The following MTAP variants were observed in gnomAD, a reference collection of about 807,000 sequenced individuals.
MTAP encodes the protein S-methyl-5'-thioadenosine phosphorylase.
A neutral mutation model predicts 33.6 loss-of-function variants in MTAP; 33 were observed. That is an observed-to-expected ratio of 0.98 (90% CI 0.74 to 1.31). MTAP has a LOEUF of 1.31. MTAP is among the 40% of genes most tolerant of loss of function. The probability of loss-of-function intolerance (pLI) is 0.00; values close to 1 mark genes in which losing one functional copy is unlikely to be tolerated. For synonymous variants in MTAP, 148 were observed against 125.7 expected, an observed-to-expected ratio of 1.18 and a Z score of -1.19; for missense variants, 367 against 360.0, an observed-to-expected ratio of 1.02 and a Z score of -0.16.
rs1825034127 is a variant in MTAP at position 21,833,852 on chromosome 9, C to G, written c.348-4056C>G. On this transcript the variant is annotated intron_variant, in intron 4 of 7. Transcript: ENST00000644715. ...GCTATCTTCAAGCCAATGTAAGAGT[C>G]TTGATTCAAGAAACAACCTACCAGT... is the stretch of plus-strand genomic sequence containing the variant. 2.6e-5 allele frequency among the ~76,000 whole-genome samples: 4 copies of G among 152,192 alleles called. No individual in the cohort carries two copies. The South Asian group carries it at 8.3e-4, about 32-fold the overall frequency.
chr9:21,911,936 T>C (rs944632792), intron 1 of MTAP, among the ~76,000 whole-genome samples: 14 of 152,114 alleles, frequency 9.2e-5, no homozygotes, highest in African/African-American at 3.4e-4. Flanking sequence ...AAATAAAAAC[T>C]GATAAAGGGA....
chr9:21,836,595 C>T (rs1332606484), intron 4 of MTAP, among the ~76,000 whole-genome samples: 1 of 152,110 alleles, frequency 6.6e-6, no homozygotes, highest in African/African-American at 2.4e-5. Flanking sequence ...TACGTGTCAC[C>T]GTTTTATTGG....
chr9:21,818,453 G>A (rs1383287832), intron 4 of MTAP, among the ~76,000 whole-genome samples: 5 of 148,256 alleles, frequency 3.4e-5, no homozygotes, highest in South Asian at 2.2e-4. Context: ...TTAGCCTCCC[G>A]AGTAGCTGGG....
At position 21,865,165 on chromosome 9, in the gene MTAP, A is replaced by T. The variant is rs111742315; in HGVS notation, c.*3151A>T. ...TGTGGGAGGGACCCAGTGGGAGGTA[A>T]TTAAATCATGGGGGTGGTTACCCCC... On this transcript the variant is annotated 3_prime_UTR_variant, in exon 8 of 8. Transcript: ENST00000644715. 1.1e-6 allele frequency: 1 copy of T among 885,026 alleles called. No individual in the cohort carries two copies. Among genetic ancestry groups the T allele is most frequent in the African/African-American group, 1.8e-5 (1 of 55,200 alleles). 54.8% of individuals were successfully genotyped at this position (885,026 alleles called of 1,614,324 possible).
Position 21,862,271 on chromosome 9 carries a change from A to AACCC in MTAP, c.*261_*264dup. ...TATTACATTTTAAGGGGGAAAAAAA[A>AACCC]ACCCACCATTCTCTTCTCCCCCTAT... On this transcript the variant is annotated 3_prime_UTR_variant, in exon 8 of 8. Coordinates refer to ENST00000644715, the MANE Select transcript of MTAP (RefSeq NM_002451.4). 3.5e-6 allele frequency: 3 copies of AACCC among 867,588 alleles called. No individual in the cohort carries two copies. The highest frequency in any genetic ancestry group is 4.6e-6 in the Non-Finnish European group (3 of 654,342). The allele number at this position is 867,588 out of a possible 1,614,324, so 53.7% of individuals were successfully genotyped here. A position where few individuals can be genotyped will look rare whatever the true frequency, so the allele number is the denominator to read the frequency against.
Position 21,802,702 on chromosome 9 carries a change from C to G in MTAP, c.-47C>G, listed in dbSNP as rs530491797. 2.5e-6 allele frequency: 4 copies of G among 1,598,132 alleles called. No homozygotes were observed. The highest frequency in any genetic ancestry group is 2.6e-6 in the Non-Finnish European group (3 of 1,173,166). On this transcript the variant is annotated 5_prime_UTR_variant, in exon 1 of 8. Transcript: ENST00000644715. The stretch of plus-strand genomic sequence containing the variant: ...ACCGCTCTGTGGCTCGCTTGGTTCC[C>G]TTAGTCCCGAGCGCTCGCCCACTGC...
Position 21,802,735 on chromosome 9 carries a change from T to G in MTAP, c.-14T>G. ...CGAGCGCTCGCCCACTGCAGATTCC[T>G]TTCCCGTGCAGACATGGCCTCTGGC... On this transcript the variant is annotated 5_prime_UTR_variant, in exon 1 of 8. Coordinates refer to ENST00000644715, the MANE Select transcript of MTAP (RefSeq NM_002451.4). 3 of 1,612,914 alleles carry G rather than the reference T, an allele frequency of 1.9e-6. No homozygotes were observed. Among genetic ancestry groups the G allele is most frequent in the Non-Finnish European group, 2.5e-6 (3 of 1,179,790 alleles).
At chr9:21,929,706 G>T in intron 1 of MTAP, 1 of 225,818 alleles carries the variant, frequency 4.4e-6, no homozygotes, top group Non-Finnish European at 9.2e-6. Flanking sequence ...ATCTGAAAGA[G>T]CTATTTGGGT....
intron 1 of MTAP, among the ~76,000 whole-genome samples, chr9:21,809,884 A>G (rs1410651378): frequency 2.0e-5 from 3 of 152,198 alleles, no homozygotes; most frequent in African/African-American, 4.8e-5. Flanking sequence ...GAGCTCTAAC[A>G]AAGTATGCAT....
intron 1 of MTAP, chr9:21,929,537 C>A: frequency 3.0e-6 from 1 of 329,814 alleles, no homozygotes; most frequent in South Asian, 3.3e-5. Flanking sequence ...TGAGAAAAAG[C>A]TCAGCAATTG....
At chr9:21,883,408 G>C (rs1482149854) in intron 1 of MTAP, among the ~76,000 whole-genome samples, 1 of 152,036 alleles carries the variant, frequency 6.6e-6, no homozygotes, top group African/African-American at 2.4e-5. Flanking sequence ...GGAGCATCAA[G>C]AGTTCTCATA....
intron 1 of MTAP, among the ~76,000 whole-genome samples, chr9:21,899,668 G>C (rs896196416): frequency 3.9e-5 from 6 of 152,070 alleles, no homozygotes; most frequent in Non-Finnish European, 7.4e-5. Context: ...GATCTTGTGA[G>C]ACTCACTCAT....
chr9:21,886,402 G>T (rs1213149076), intron 1 of MTAP, among the ~76,000 whole-genome samples: 1 of 152,194 alleles, frequency 6.6e-6, no homozygotes, highest in South Asian at 2.1e-4. Context: ...TCTGTGGGTT[G>T]TCTGTTTACT....
chr9:21,867,417 C>T (rs1158319607), downstream of MTAP, among the ~76,000 whole-genome samples: 1 of 152,098 alleles, frequency 6.6e-6, no homozygotes, highest in Non-Finnish European at 1.5e-5. Context: ...CTTTTTCCTG[C>T]ATCTGTTGAG....
At chr9:21,825,208 A>G (rs537503028) in intron 4 of MTAP, among the ~76,000 whole-genome samples, 2 of 152,286 alleles carry the variant, frequency 1.3e-5, no homozygotes, top group Admixed American at 6.5e-5. Flanking sequence ...TGGGAGCTGT[A>G]GACTGGAGCT....
At chr9:21,878,495 A>T (rs1333527277) in intron 1 of MTAP, among the ~76,000 whole-genome samples, 2 of 151,740 alleles carry the variant, frequency 1.3e-5, no homozygotes. Context: ...TATTCTATTT[A>T]TTTATTTAGA....
chr9:21,820,519 T>C (rs1824606703), intron 4 of MTAP, among the ~76,000 whole-genome samples: 1 of 152,218 alleles, frequency 6.6e-6, no homozygotes, highest in South Asian at 2.1e-4. Flanking sequence ...TTGGTACCAG[T>C]ACCACGCTGT....
chr9:21,912,661 C>G (rs1292612632), intron 1 of MTAP, among the ~76,000 whole-genome samples: 1 of 152,164 alleles, frequency 6.6e-6, no homozygotes, highest in South Asian at 2.1e-4. Flanking sequence ...TTATGACAAA[C>G]CCACAGCCAG....
At chr9:21,903,077 A>G (rs980942671) in intron 1 of MTAP, among the ~76,000 whole-genome samples, 1 of 152,222 alleles carries the variant, frequency 6.6e-6, no homozygotes, top group African/African-American at 2.4e-5. Context: ...CTCCTTAAGT[A>G]TAGTGATTAC....
Sources: allele counts gnomAD v4.1 joint callset (sites outside exome capture counted in the v4.1 genomes callset), GRCh38; gene constraint gnomAD v4.1.1; transcripts MANE v1.5; gene names NCBI Gene and HGNC (gene_info 2026-07-23, HGNC 2026-07-21).